DNMT1: variants seen among roughly 807,000 people sequenced by gnomAD.
DNMT1 encodes DNA methyltransferase 1.
A neutral mutation model predicts 205.3 loss-of-function variants in DNMT1; 24 were observed. That is an observed-to-expected ratio of 0.12 (90% CI 0.08 to 0.16). The LOEUF (loss-of-function observed/expected upper bound fraction) is 0.16, where lower values mean the gene tolerates loss of function less well. DNMT1 is among the 10% of genes least tolerant of loss of function. The pLI, the probability that DNMT1 is intolerant of heterozygous loss-of-function variation, is 1.00. For missense variants in DNMT1, 1,293 were observed against 2,177.7 expected (o/e 0.59, Z 8.09); for synonymous variants, 817 against 839.8 (o/e 0.97, Z 0.47).
intron 13 of DNMT1, among the ~76,000 whole-genome samples, chr19:10,161,061 C>T (rs2038557470): frequency 6.6e-6 from 1 of 152,220 alleles, no homozygotes; most frequent in African/African-American, 2.4e-5. Flanking sequence ...AATCCCAGCA[C>T]TTTGGGAGAC....
At chr19:10,181,020 TA>T in intron 2 of DNMT1, 135 bp from the exon 3 acceptor site, 1 of 740,338 alleles carries the variant, frequency 1.4e-6, no homozygotes, top group South Asian at 1.5e-5. Flanking sequence ...GTCAAAACAC[TA>T]AACAGTCATG....
In DNMT1 at chr19:10,154,646, A is replaced by G; in HGVS notation, c.1772T>C (p.Ile591Thr). The change falls in exon 21 of 41, where the codon ATC becomes ACC. Residue 591 changes from isoleucine to threonine, a missense_variant. Physicochemically the swap from Ile to Thr is moderately conservative, Grantham distance 89. Coordinates refer to ENST00000359526, the MANE Select transcript of DNMT1 (RefSeq NM_001130823.3). The surrounding 1 kb of genome is among the most constrained non-coding windows in gnomAD (Gnocchi z 6.3). Reference sequence around the variant, plus strand: ...GTCCCGCATGCAGGGTGTCAGGAAGATGGGCTGCTCATCACTGTCCCCGGC... The same window carrying G: ...GTCCCGCATGCAGGGTGTCAGGAAGGTGGGCTGCTCATCACTGTCCCCGGC... ...DEAGDSDEQP[I>T]FLTPCMRDLI... 1 of 1,614,042 alleles carries G rather than the reference A, an allele frequency of 6.2e-7. No homozygotes were observed. Among genetic ancestry groups the G allele is most frequent in the Non-Finnish European group, 8.5e-7 (1 of 1,179,948 alleles).
chr19:10,134,795 T>C (rs1440039705), intron 39 of DNMT1, among the ~76,000 whole-genome samples: 1 of 142,896 alleles, frequency 7.0e-6, no homozygotes, highest in Non-Finnish European at 1.5e-5. Context: ...GAGGTGGAGG[T>C]TGCAGTGGGC....
chr19:10,155,104 G>C (rs774240793), intron 19 of DNMT1, 48 bp from the exon 20 acceptor site: 1 of 1,610,650 alleles, frequency 6.2e-7, no homozygotes, highest in East Asian at 2.2e-5. Flanking sequence ...ATCTGATGGC[G>C]CCTACAGTGG....
chr19:10,175,718 C>T (rs2038926886), intron 6 of DNMT1, 100 bp from the exon 7 acceptor site: 3 of 1,134,746 alleles, frequency 2.6e-6, no homozygotes, highest in South Asian at 2.5e-5. Context: ...AAAGAGGCTT[C>T]AAGTTTAATG....
At chr19:10,182,895 A>T (rs1599401227) in intron 1 of DNMT1, among the ~76,000 whole-genome samples, 1 of 151,126 alleles carries the variant, frequency 6.6e-6, no homozygotes, top group African/African-American at 2.4e-5. Flanking sequence ...TAGATTCCTG[A>T]CCTCAAGTGA....
rs1420046561 is a variant in DNMT1, at chr19:10,148,757, C to CT, written c.2720+126dup. On this transcript the variant is annotated intron_variant, in intron 27 of 40. Coordinates refer to ENST00000359526, the MANE Select transcript of DNMT1 (RefSeq NM_001130823.3). ...GAGCATCATTCATAGTCAGGCTGGC[C>CT]TTTGACGAGCAAGAGACACAAACTG... 3 of 1,541,200 alleles carry CT rather than the reference C, an allele frequency of 1.9e-6. No individual in the cohort carries two copies. The African/African-American group carries it at 4.1e-5, about 21-fold the overall frequency.
At position 10,137,418 on chromosome 19, in the gene DNMT1, G is replaced by A. The variant is rs1332410965; in HGVS notation, c.4294-138C>T. 8 of 1,134,984 alleles carry A rather than the reference G, an allele frequency of 7.0e-6. No individual in the cohort carries two copies. Among genetic ancestry groups the A allele is most frequent in the East Asian group, 5.2e-5 (2 of 38,822 alleles). The allele number at this position is 1,134,984 out of a possible 1,614,324, so 70.3% of individuals were successfully genotyped here. Reference sequence around the variant, plus strand: ...GCCCATCGGGAAAGAGACAGTCAGGGATATCGCACTTGGCTCGAGGCCACG... The same window carrying A: ...GCCCATCGGGAAAGAGACAGTCAGGAATATCGCACTTGGCTCGAGGCCACG... On this transcript the variant is annotated intron_variant, in intron 36 of 40. Coordinates refer to ENST00000359526, the MANE Select transcript of DNMT1 (RefSeq NM_001130823.3). The surrounding 1 kb of genome is among the most constrained non-coding windows in gnomAD (Gnocchi z 6.4).
intron 12 of DNMT1, 145 bp downstream of exon 12, chr19:10,163,181 G>A (rs1417304163): frequency 5.8e-6 from 5 of 867,294 alleles, no homozygotes; most frequent in African/African-American, 5.0e-5. Context: ...AGGCTAGGCT[G>A]GTCTCGAACT....
chr19:10,150,196 C>T (rs1157987169), intron 24 of DNMT1, among the ~76,000 whole-genome samples: 1 of 152,216 alleles, frequency 6.6e-6, no homozygotes, highest in African/African-American at 2.4e-5. Flanking sequence ...GCATCCATGT[C>T]CCTCCCACTT....
Position 10,154,484 on chromosome 19 carries a change from G to A in DNMT1, c.1833-5C>T, listed in dbSNP as rs757443945. 140 of 1,614,028 alleles carry A rather than the reference G, an allele frequency of 8.7e-5. No individual in the cohort carries two copies. Among genetic ancestry groups the A allele is most frequent in the African/African-American group, 1.2e-4 (9 of 74,902 alleles). ...TGCCGCCTCGCCTGGGCTCGCCTAC[G>A]GGAGAGGTTCCAGCATCTCAGAGGA... is the stretch of plus-strand genomic sequence containing the variant. On this transcript the variant is annotated splice_region_variant and splice_polypyrimidine_tract_variant and intron_variant, in intron 21 of 40. Coordinates refer to ENST00000359526, the MANE Select transcript of DNMT1 (RefSeq NM_001130823.3). This position sits in a 1 kb window ranked among gnomAD's most constrained non-coding sequence, Gnocchi z 6.3.
chr19:10,171,309 T>C (rs1044436539), intron 9 of DNMT1, among the ~76,000 whole-genome samples: 3 of 152,180 alleles, frequency 2.0e-5, no homozygotes, highest in African/African-American at 7.2e-5. Context: ...GAAAATTAGA[T>C]CTTCACCAAG....
At chr19:10,175,443 C>A in intron 7 of DNMT1, 97 bp downstream of exon 7, 1 of 1,443,344 alleles carries the variant, frequency 6.9e-7, no homozygotes, top group Admixed American at 1.8e-5. Context: ...GAGCCCTAGA[C>A]AGGGTTTTTA....
rs753197226 is a variant in DNMT1, at chr19:10,177,309, T to C, written c.552A>G (p.Thr184=). ...ATACTGACCCCTTTGCAAAATGAGA[T>C]GTGATGGTGGTTTGCCTGGTGCTTT... ...TRKSTRQTTI[T]SHFAKGPAKR... The change falls in exon 6 of 41, where the codon ACA becomes ACG. Residue 184 remains threonine (T), a synonymous_variant. Coordinates refer to ENST00000359526, the MANE Select transcript of DNMT1 (RefSeq NM_001130823.3). 1.2e-6 allele frequency: 2 copies of C among 1,613,636 alleles called. No individual in the cohort carries two copies. The highest frequency in any genetic ancestry group is 1.3e-5 in the African/African-American group (1 of 74,798).
rs2038734025 is a variant in DNMT1, at chr19:10,168,227, G to A, written c.803+103C>T. On this transcript the variant is annotated intron_variant, in intron 10 of 40. Transcript: ENST00000359526. ...GAACTTGCCCACATAAGAGACATAT[G>A]ATTAGTGCCCACTGTTCCACACCAA... 5 of 1,342,888 alleles carry A rather than the reference G, an allele frequency of 3.7e-6. No homozygotes were observed. In the South Asian group the frequency reaches 5.9e-5, roughly 16 times the overall value. 83.2% of individuals were successfully genotyped at this position (1,342,888 alleles called of 1,614,324 possible).
In DNMT1 at chr19:10,194,906, G is replaced by C; in HGVS notation, c.-7C>G. 6.2e-7 allele frequency: 1 copy of C among 1,603,820 alleles called. No homozygotes were observed. The highest frequency in any genetic ancestry group is 8.5e-7 in the Non-Finnish European group (1 of 1,174,920). On this transcript the variant is annotated 5_prime_UTR_variant, in exon 1 of 41. Transcript: ENST00000359526. ...GGGCGGTACGCGCCGGCATCTCGGA[G>C]GCTTCAGCAGACGCGGCGGCGGCAG... is the stretch of plus-strand genomic sequence containing the variant.
At position 10,149,570 on chromosome 19, in the gene DNMT1, G is replaced by C. The variant is rs771873513; in HGVS notation, c.2469C>G (p.Ala823=). The C allele has an allele frequency of 6.2e-7, 1 of 1,613,724 alleles. No homozygotes were observed. Among genetic ancestry groups the C allele is most frequent in the South Asian group, 1.1e-5 (1 of 91,018 alleles). The change falls in exon 26 of 41, where the codon GCC becomes GCG. Residue 823 remains alanine (A), a synonymous_variant. Coordinates refer to ENST00000359526, the MANE Select transcript of DNMT1 (RefSeq NM_001130823.3). ...FCAGTDTVLG[A]TSDPLELFLV... ...AGAACAGCTCCAGAGGGTCCGACGTGGCCCCGAGGACTGTGTCTGTCCCAG... is the reference window on the plus strand; with the variant it reads ...AGAACAGCTCCAGAGGGTCCGACGTCGCCCCGAGGACTGTGTCTGTCCCAG...
At position 10,151,690 on chromosome 19, in the gene DNMT1, G is replaced by A. The variant is rs2038345921; in HGVS notation, c.2117+60C>T. ...CCACACATGCAGGCCCTTCTCCACAGTGCATCTGCCACCAGCTGGCAAGTC... is the reference window on the plus strand; with the variant it reads ...CCACACATGCAGGCCCTTCTCCACAATGCATCTGCCACCAGCTGGCAAGTC... On this transcript the variant is annotated intron_variant, in intron 23 of 40. Coordinates refer to ENST00000359526, the MANE Select transcript of DNMT1 (RefSeq NM_001130823.3). This position sits in a 1 kb window ranked among gnomAD's most constrained non-coding sequence, Gnocchi z 5.0. 22 of 1,608,730 alleles carry A rather than the reference G, an allele frequency of 1.4e-5. No homozygotes were observed. Among genetic ancestry groups the A allele is most frequent in the Non-Finnish European group, 1.4e-5 (17 of 1,175,646 alleles).
In DNMT1 at chr19:10,171,535, G is replaced by C. The variant is rs963078132; in HGVS notation, c.768+1555C>G. On this transcript the variant is annotated intron_variant, in intron 9 of 40. Transcript: ENST00000359526. ...AAAACACAAAAATTGGCTAGGCGCG[G>C]TGGTTCACGCCTGTAATCCCAGCAC... 1.1e-4 allele frequency among the ~76,000 whole-genome samples: 17 copies of C among 152,140 alleles called. 1 individual carries two copies. The highest frequency in any genetic ancestry group is 1.1e-3 in the Admixed American group (17 of 15,258).
Sources: gnomAD v4.1 joint callset for allele counts (sites outside exome capture counted in the v4.1 genomes callset) on GRCh38, gnomAD v4.1.1 for gene constraint, Gnocchi (gnomAD v3.1) non-coding constraint, MANE v1.5 for transcripts, NCBI Gene and HGNC (gene_info 2026-07-23, HGNC 2026-07-21) for gene names.